The following LMX1A variants were observed in gnomAD, a reference collection of about 807,000 sequenced individuals.
The protein encoded by LMX1A is LIM homeobox transcription factor 1 alpha, also known as LIM homeobox transcription factor 1-alpha.
In LMX1A, 15 loss-of-function variants were observed where a neutral mutation model predicts 49.1. That is an observed-to-expected ratio of 0.31 (90% confidence interval 0.20 to 0.47). LMX1A has a LOEUF of 0.47. LMX1A is among the 20% of genes least tolerant of loss of function. LMX1A has a pLI of 1.00. For missense variants in LMX1A, 372 were observed against 475.8 expected (o/e 0.78, Z 2.03); for synonymous variants, 167 against 185.7 (o/e 0.90, Z 0.82).
At chr1:165,261,265 A>C (rs989313226) in intron 3 of LMX1A, among the ~76,000 whole-genome samples, 2 of 152,034 alleles carry the variant, frequency 1.3e-5, no homozygotes, top group Non-Finnish European at 2.9e-5. Flanking sequence ...TATATCCTTC[A>C]ATTTTTTAAC....
At chr1:165,213,340 T>C (rs1446997649) in intron 5 of LMX1A, 1 of 298,856 alleles carries the variant, frequency 3.3e-6, no homozygotes, top group Non-Finnish European at 6.1e-6. Context: ...CATCTGGGTC[T>C]ACACCACAAT....
chr1:165,254,509 C>A (rs1359668709), intron 3 of LMX1A, among the ~76,000 whole-genome samples: 1 of 152,098 alleles, frequency 6.6e-6, no homozygotes, highest in Admixed American at 6.5e-5. Context: ...CTTCACTAAC[C>A]CCAGAGTAAT....
rs184447849 is a variant in LMX1A at position 165,270,547 on chromosome 1, A to C, written c.264-20907T>G. ...GGGTGTAGAGGCCAAAAGCCACTCA[A>C]GGTGTGTCAAACAGTTAGAAAATGA... On this transcript the variant is annotated intron_variant, in intron 3 of 8. Transcript: ENST00000342310. Among the ~76,000 whole-genome samples, 379 of 152,340 alleles carry C rather than the reference A, an allele frequency of 2.5e-3. 1 individual carries two copies. The highest frequency in any genetic ancestry group is 8.4e-3 in the African/African-American group (350 of 41,574).
chr1:165,205,825 A>G, intron 8 of LMX1A, 39 bp downstream of exon 8: 1 of 1,599,892 alleles, frequency 6.3e-7, no homozygotes, highest in Non-Finnish European at 8.5e-7. Context: ...AAACCCACAC[A>G]AGTTATGAGA....
At chr1:165,273,143 C>T (rs559708887) in intron 3 of LMX1A, among the ~76,000 whole-genome samples, 1 of 152,278 alleles carries the variant, frequency 6.6e-6, no homozygotes, top group East Asian at 1.9e-4. Context: ...TTGAACTGCT[C>T]TTTGGGCAAG....
chr1:165,317,211 A>G (rs16842552), intron 3 of LMX1A, among the ~76,000 whole-genome samples: 5,474 of 152,170 alleles, frequency 0.036, 332 homozygotes, highest in African/African-American at 0.13. Context: ...TGAAACCCCA[A>G]TAGTTCCAAG....
chr1:165,302,864 A>G (rs548241519), intron 3 of LMX1A, among the ~76,000 whole-genome samples: 134 of 152,300 alleles, frequency 8.8e-4, no homozygotes, highest in African/African-American at 3.2e-3. Context: ...GTAACTCAGC[A>G]TAGTTGATTT....
At chr1:165,320,381 C>T (rs1655350330) in intron 3 of LMX1A, among the ~76,000 whole-genome samples, 1 of 152,170 alleles carries the variant, frequency 6.6e-6, no homozygotes. Flanking sequence ...AGCTAAGACA[C>T]TAAGCACAAA....
intron 4 of LMX1A, among the ~76,000 whole-genome samples, chr1:165,242,944 A>T (rs1236478637): frequency 6.7e-6 from 1 of 149,640 alleles, no homozygotes; most frequent in Non-Finnish European, 1.5e-5. Flanking sequence ...AAAAAAAAAA[A>T]AAACAAAACA....
At chr1:165,316,260 A>G (rs149467089) in intron 3 of LMX1A, among the ~76,000 whole-genome samples, 1 of 152,364 alleles carries the variant, frequency 6.6e-6, no homozygotes, top group Non-Finnish European at 1.5e-5. Context: ...ACTGGGCAGC[A>G]TCTGTCCCCT....
chr1:165,331,726 G>A (rs571954210), intron 3 of LMX1A, among the ~76,000 whole-genome samples: 11 of 152,122 alleles, frequency 7.2e-5, no homozygotes, highest in Non-Finnish European at 1.2e-4. Context: ...AGACCACCCT[G>A]GGCAACATGG....
intron 3 of LMX1A, among the ~76,000 whole-genome samples, chr1:165,309,450 G>T (rs576121694): frequency 2.0e-4 from 31 of 152,304 alleles, no homozygotes; most frequent in Admixed American, 3.9e-4. Context: ...AGAGACGCAA[G>T]GGCACCCTGT....
At chr1:165,250,448 T>C (rs1653016798) in intron 3 of LMX1A, among the ~76,000 whole-genome samples, 1 of 152,326 alleles carries the variant, frequency 6.6e-6, no homozygotes, top group Admixed American at 6.5e-5. Flanking sequence ...TAAAAGGATG[T>C]GCCCCAGATT....
chr1:165,203,940 G>A lies in LMX1A; in HGVS notation c.1089C>T (p.Ser363=), dbSNP rs138842147. Residue 363 remains serine, a synonymous_variant, in exon 9 of 9, where the codon TCC becomes TCT. Coordinates refer to ENST00000342310, the MANE Select transcript of LMX1A (RefSeq NM_177398.4). The stretch of plus-strand genomic sequence containing the variant: ...GATGGTCAATGGGGTTTCCCACTCT[G>A]GACTGCAGAGGCCCAGCTTCTGAGG... The part of the protein sequence containing the change: ...LATSEAGPLQ[S]RVGNPIDHLY... 59 of 1,613,978 alleles carry A rather than the reference G, an allele frequency of 3.7e-5. No individual in the cohort carries two copies. The highest frequency in any genetic ancestry group is 3.3e-4 in the South Asian group (30 of 91,080).
At chr1:165,320,798 G>A (rs534027098) in intron 3 of LMX1A, among the ~76,000 whole-genome samples, 8 of 152,294 alleles carry the variant, frequency 5.3e-5, no homozygotes, top group South Asian at 2.1e-4. Flanking sequence ...GAGGGAAGCC[G>A]GTAGTTTTAG....
chr1:165,322,236 A>C (rs1341396405), intron 3 of LMX1A, among the ~76,000 whole-genome samples: 2 of 152,168 alleles, frequency 1.3e-5, no homozygotes, highest in South Asian at 4.1e-4. Context: ...GGGAAGAAAA[A>C]TGGTACATCT....
At chr1:165,334,371 T>G (rs1655839031) in intron 3 of LMX1A, among the ~76,000 whole-genome samples, 1 of 152,210 alleles carries the variant, frequency 6.6e-6, no homozygotes, top group Non-Finnish European at 1.5e-5. Flanking sequence ...AAGTTTTAAC[T>G]CATCATCAGC....
At chr1:165,208,249 G>T (rs998155910) in intron 6 of LMX1A, 117 bp from the exon 7 acceptor site, 4 of 858,516 alleles carry the variant, frequency 4.7e-6, no homozygotes, top group Non-Finnish European at 7.4e-6. Flanking sequence ...CAAAGCTCTG[G>T]CTCTTACTTA....
At chr1:165,229,251 A>G (rs896646344) in intron 4 of LMX1A, among the ~76,000 whole-genome samples, 5 of 152,226 alleles carry the variant, frequency 3.3e-5, no homozygotes, top group African/African-American at 1.2e-4. Flanking sequence ...CATGAAATAG[A>G]GCATCAGCTC....
Sources: allele counts gnomAD v4.1 joint callset (sites outside exome capture counted in the v4.1 genomes callset), GRCh38; gene constraint gnomAD v4.1.1; transcripts MANE v1.5; gene names NCBI Gene and HGNC (gene_info 2026-07-23, HGNC 2026-07-21).